Variants in AGK observed in about 807,000 individuals in gnomAD.
The protein encoded by AGK is acylglycerol kinase, mitochondrial.
A neutral mutation model predicts 66.4 loss-of-function variants in AGK; 52 were observed. The ratio of observed to expected loss-of-function variants is 0.78; its 90% CI spans 0.63 to 0.99. AGK has a LOEUF of 0.99. AGK is among the 50% of genes least tolerant of loss of function. The pLI is 0.00. For missense variants in AGK, 451 were observed against 506.6 expected (o/e 0.89, Z 1.05); for synonymous variants, 182 against 181.1 (o/e 1.00, Z -0.04).
chr7:141,561,540 A>G (rs975815936), intron 2 of AGK, among the ~76,000 whole-genome samples: 1 of 151,446 alleles, frequency 6.6e-6, no homozygotes, highest in Non-Finnish European at 1.5e-5. Flanking sequence ...GATTTTTTTC[A>G]TATACTTCTT....
At chr7:141,613,135 C>T (rs931463436) in intron 6 of AGK, among the ~76,000 whole-genome samples, 2 of 152,188 alleles carry the variant, frequency 1.3e-5, no homozygotes, top group African/African-American at 4.8e-5. Flanking sequence ...GACCTCTCAA[C>T]AGCCCCATTT....
chr7:141,589,978 A>C (rs539638681), intron 2 of AGK, among the ~76,000 whole-genome samples: 1 of 152,350 alleles, frequency 6.6e-6, no homozygotes, highest in Admixed American at 6.5e-5. Flanking sequence ...AATTCAGGGA[A>C]TTAACTATCA....
intron 2 of AGK, among the ~76,000 whole-genome samples, chr7:141,585,490 G>C (rs575017321): frequency 1.3e-5 from 2 of 152,266 alleles, no homozygotes; most frequent in South Asian, 4.1e-4. Flanking sequence ...TGTTATAAAC[G>C]TCTAAACTTG....
At chr7:141,608,430 A>G (rs1796509415) in intron 5 of AGK, among the ~76,000 whole-genome samples, 2 of 152,198 alleles carry the variant, frequency 1.3e-5, no homozygotes, top group African/African-American at 2.4e-5. Context: ...GCCCTGAGGC[A>G]TGTGTGTATT....
chr7:141,581,970 G>A (rs572601963), intron 2 of AGK, among the ~76,000 whole-genome samples: 10 of 152,128 alleles, frequency 6.6e-5, no homozygotes, highest in African/African-American at 2.4e-4. Flanking sequence ...GTAATGTGGA[G>A]TGGGTAGCCT....
intron 8 of AGK, among the ~76,000 whole-genome samples, chr7:141,616,532 G>A (rs1796703429): frequency 6.6e-6 from 1 of 151,888 alleles, no homozygotes; most frequent in Admixed American, 6.6e-5. Context: ...TGTAATGTTA[G>A]GAGTCAACTG....
intron 8 of AGK, among the ~76,000 whole-genome samples, chr7:141,617,333 G>C (rs1464321904): frequency 6.6e-6 from 1 of 152,126 alleles, no homozygotes; most frequent in Non-Finnish European, 1.5e-5. Flanking sequence ...TGGGGGAACT[G>C]ATTTTCTCTT....
intron 2 of AGK, among the ~76,000 whole-genome samples, chr7:141,575,327 C>CT (rs1444467900): frequency 6.6e-5 from 10 of 152,138 alleles, no homozygotes; most frequent in Non-Finnish European, 1.3e-4. Context: ...AGGCCAGATG[C>CT]TTTTACAGAC....
chr7:141,579,567 A>AT (rs1426383419), intron 2 of AGK, among the ~76,000 whole-genome samples: 2 of 151,940 alleles, frequency 1.3e-5, no homozygotes, highest in Non-Finnish European at 2.9e-5. Flanking sequence ...AGTAAGGTTA[A>AT]TTTGCCAGTC....
chr7:141,560,061 G>A (rs1189733837), intron 2 of AGK, among the ~76,000 whole-genome samples: 1 of 151,844 alleles, frequency 6.6e-6, no homozygotes, highest in Non-Finnish European at 1.5e-5. Flanking sequence ...TTCCAGTTTG[G>A]ATGCCTTTAT....
At chr7:141,591,082 GTTTTTTTTTTTTTTTTT>G (rs60762855) in intron 2 of AGK, among the ~76,000 whole-genome samples, 4 of 61,040 alleles carry the variant, frequency 6.6e-5, no homozygotes, top group African/African-American at 1.2e-4. Context: ...TTCTTAAGTT[GTTTTTTTTTTTTTTTTT>G]TTTTTTTTTT....
chr7:141,570,834 A>G (rs1244022783), intron 2 of AGK, among the ~76,000 whole-genome samples: 1 of 152,110 alleles, frequency 6.6e-6, no homozygotes, highest in Non-Finnish European at 1.5e-5. Context: ...TTGTCTCCAC[A>G]TTGTTTTACT....
chr7:141,640,928 G>A (rs900070978), intron 11 of AGK, among the ~76,000 whole-genome samples: 1 of 152,168 alleles, frequency 6.6e-6, no homozygotes, highest in Non-Finnish European at 1.5e-5. Flanking sequence ...CCATCTGTAA[G>A]CCAAAGATAA....
intron 11 of AGK, 54 bp from the exon 12 acceptor site, chr7:141,641,194 C>A (rs1212547803): frequency 6.5e-7 from 1 of 1,539,912 alleles, no homozygotes; most frequent in Non-Finnish European, 8.8e-7. Flanking sequence ...GAGAGAAACT[C>A]CCAGAGTGGA....
rs1795075399 is a variant in AGK at position 141,551,422 on chromosome 7, T to A, written c.-27T>A. 6.6e-6 allele frequency: 1 copy of A among 152,514 alleles called. No homozygotes were observed. Among genetic ancestry groups the A allele is most frequent in the South Asian group, 2.1e-4 (1 of 4,842 alleles). 9.4% of individuals were successfully genotyped at this position (152,514 alleles called of 1,614,324 possible). A position where few individuals can be genotyped will look rare whatever the true frequency, so the allele number is the denominator to read the frequency against. ...ACACAGGAAAGGCAGAGCCGCGAGCTGGACCAGCCGTGGTGAGTGCAGCGG... is the reference window on the plus strand; with the variant it reads ...ACACAGGAAAGGCAGAGCCGCGAGCAGGACCAGCCGTGGTGAGTGCAGCGG... On this transcript the variant is annotated 5_prime_UTR_variant, in exon 1 of 16. Coordinates refer to ENST00000649286, the MANE Select transcript of AGK (RefSeq NM_018238.4).
At chr7:141,630,819 GTAAACAAGA>G (rs888578253) in intron 9 of AGK, among the ~76,000 whole-genome samples, 17 of 152,186 alleles carry the variant, frequency 1.1e-4, no homozygotes, top group African/African-American at 4.1e-4. Context: ...AGGGGGTTGG[GTAAACAAGA>G]TAATGAGGCT....
chr7:141,556,605 T>G (rs866338671), intron 2 of AGK, among the ~76,000 whole-genome samples: 69 of 152,046 alleles, frequency 4.5e-4, no homozygotes, highest in African/African-American at 1.6e-3. Context: ...AGCTTGACTG[T>G]TTTTCTTTAG....
At chr7:141,632,357 A>G (rs1290139537) in intron 9 of AGK, among the ~76,000 whole-genome samples, 2 of 152,170 alleles carry the variant, frequency 1.3e-5, no homozygotes, top group South Asian at 2.1e-4. Context: ...TTGTTGGTAC[A>G]TAAAGCAATG....
chr7:141,581,105 C>T (rs1048796477), intron 2 of AGK, among the ~76,000 whole-genome samples: 1 of 151,694 alleles, frequency 6.6e-6, no homozygotes, highest in Admixed American at 6.6e-5. Context: ...AGGGAGAGCA[C>T]GTGTGTTTTT....
Sources: allele counts gnomAD v4.1 joint callset (sites outside exome capture counted in the v4.1 genomes callset), GRCh38; gene constraint gnomAD v4.1.1; transcripts MANE v1.5; gene names NCBI Gene and HGNC (gene_info 2026-07-23, HGNC 2026-07-21).